RFTN1: variants seen among roughly 807,000 people sequenced by gnomAD.
RFTN1 encodes raftlin, lipid raft linker 1, also known as raftlin.
A neutral mutation model predicts 46.5 loss-of-function variants in RFTN1; 26 were observed. The observed-to-expected ratio is 0.56, with a 90% confidence interval of 0.41 to 0.78. The LOEUF is 0.78. RFTN1 is among the 30% of genes least tolerant of loss of function. The probability of loss-of-function intolerance (pLI) is 0.00; values close to 1 mark genes in which losing one functional copy is unlikely to be tolerated. For missense variants in RFTN1, 693 were observed against 718.7 expected (o/e 0.96, Z 0.41); for synonymous variants, 261 against 284.2 (o/e 0.92, Z 0.82).
intron 2 of RFTN1, among the ~76,000 whole-genome samples, chr3:16,471,643 T>A (rs755008007): frequency 1.3e-5 from 2 of 151,922 alleles, no homozygotes; most frequent in Non-Finnish European, 2.9e-5. Flanking sequence ...AAACTCTTCT[T>A]CACACAAGTT....
chr3:16,509,713 C>G lies in RFTN1; in HGVS notation c.-9+3729G>C, dbSNP rs2076866479. ...CCTCGAGTAAAATACATCCTGGGGC[C>G]CTGACATCTTGACACCCACTGTCAA... On this transcript the variant is annotated intron_variant, in intron 1 of 9. Coordinates refer to ENST00000334133, the MANE Select transcript of RFTN1 (RefSeq NM_015150.2). This position sits in a 1 kb window ranked among gnomAD's most constrained non-coding sequence, Gnocchi z 4.9. Among the ~76,000 whole-genome samples, 1 of 152,148 alleles carries G rather than the reference C, an allele frequency of 6.6e-6. No individual in the cohort carries two copies. Among genetic ancestry groups the G allele is most frequent in the South Asian group, 2.1e-4 (1 of 4,822 alleles).
At chr3:16,393,396 A>C (rs11714754) in intron 4 of RFTN1, among the ~76,000 whole-genome samples, 6,035 of 152,314 alleles carry the variant, frequency 0.04, 163 homozygotes, top group Middle Eastern at 0.061. Context: ...AATGCACATA[A>C]GACAGAAAGT....
At chr3:16,333,783 A>C (rs1351204613) in intron 7 of RFTN1, among the ~76,000 whole-genome samples, 1 of 152,210 alleles carries the variant, frequency 6.6e-6, no homozygotes, top group Non-Finnish European at 1.5e-5. Flanking sequence ...AAATTTTAAA[A>C]GGGCCAAAGA....
chr3:16,481,290 C>T lies in RFTN1; in HGVS notation c.145+12435G>A, dbSNP rs2076362813. Among the ~76,000 whole-genome samples, 1 of 152,174 alleles carries T rather than the reference C, an allele frequency of 6.6e-6. No individual in the cohort carries two copies. The highest frequency in any genetic ancestry group is 2.4e-5 in the African/African-American group (1 of 41,438). ...AATATAACAGCTTTGCTCAGAAAAA[C>T]TTAAAGCTACGTCACACATATTATC... On this transcript the variant is annotated intron_variant, in intron 2 of 9. Transcript: ENST00000334133. This position sits in a 1 kb window ranked among gnomAD's most constrained non-coding sequence, Gnocchi z 5.1.
At chr3:16,396,753 C>A (rs1484391966) in intron 4 of RFTN1, among the ~76,000 whole-genome samples, 1 of 152,060 alleles carries the variant, frequency 6.6e-6, no homozygotes, top group Non-Finnish European at 1.5e-5. Context: ...TTGTAAACAG[C>A]CAGGATTAGT....
At chr3:16,373,989 C>T (rs974510923) in intron 5 of RFTN1, among the ~76,000 whole-genome samples, 2 of 152,178 alleles carry the variant, frequency 1.3e-5, no homozygotes, top group African/African-American at 4.8e-5. Flanking sequence ...AATAGTGAGG[C>T]CCGCTTGCCA....
Position 16,374,628 on chromosome 3 carries a change from G to A in RFTN1, c.826+3090C>T, listed in dbSNP as rs2073672904. On this transcript the variant is annotated intron_variant, in intron 5 of 9. Coordinates refer to ENST00000334133, the MANE Select transcript of RFTN1 (RefSeq NM_015150.2). This position sits in a 1 kb window ranked among gnomAD's most constrained non-coding sequence, Gnocchi z 5.4. ...AAGTGAGGAGGTGCAGGGTAGGAAG[G>A]GCAGTGCTTGGAAGACTTGTTATTT... 6.6e-6 allele frequency among the ~76,000 whole-genome samples: 1 copy of A among 152,200 alleles called. No homozygotes were observed. The highest frequency in any genetic ancestry group is 2.1e-4 in the South Asian group (1 of 4,828).
intron 2 of RFTN1, among the ~76,000 whole-genome samples, chr3:16,436,347 T>C (rs1043751819): frequency 7.0e-6 from 1 of 143,130 alleles, no homozygotes; most frequent in Non-Finnish European, 1.5e-5. Flanking sequence ...GGTTTTGCCA[T>C]GAAAAAAAAA....
intron 4 of RFTN1, among the ~76,000 whole-genome samples, chr3:16,388,554 C>T (rs1367202309): frequency 6.6e-6 from 1 of 152,178 alleles, no homozygotes; most frequent in Non-Finnish European, 1.5e-5. Context: ...AAAACTGAGG[C>T]CTAGAGACAT....
chr3:16,418,782 C>T lies in RFTN1; in HGVS notation c.333-9299G>A, dbSNP rs1046401413. On this transcript the variant is annotated intron_variant, in intron 3 of 9. Transcript: ENST00000334133. This position sits in a 1 kb window ranked among gnomAD's most constrained non-coding sequence, Gnocchi z 5.0. ...AGCTATTCCTAGTTTCATTAACTTA[C>T]GTATAACTAATGACAATAAAAATCT... is the stretch of plus-strand genomic sequence containing the variant. Among the ~76,000 whole-genome samples, 13 of 152,076 alleles carry T rather than the reference C, an allele frequency of 8.5e-5. No homozygotes were observed. Among genetic ancestry groups the T allele is most frequent in the African/African-American group, 2.4e-4 (10 of 41,492 alleles).
intron 2 of RFTN1, among the ~76,000 whole-genome samples, chr3:16,486,778 G>T (rs559978019): frequency 6.6e-6 from 1 of 152,238 alleles, no homozygotes; most frequent in African/African-American, 2.4e-5. Context: ...ATAGTCTGGT[G>T]CTATGGACTG....
rs1275073369 is a variant in RFTN1, at chr3:16,421,408, G to A, written c.333-11925C>T. On this transcript the variant is annotated intron_variant, in intron 3 of 9. Coordinates refer to ENST00000334133, the MANE Select transcript of RFTN1 (RefSeq NM_015150.2). The surrounding 1 kb of genome is among the most constrained non-coding windows in gnomAD (Gnocchi z 4.6). ...ACTCTGTCGCCCAGGCTGGGGTGCAGTGGCATAATCTCAGCTCACTGCAAT... is the reference window on the plus strand; with the variant it reads ...ACTCTGTCGCCCAGGCTGGGGTGCAATGGCATAATCTCAGCTCACTGCAAT... Among the ~76,000 whole-genome samples the A allele has an allele frequency of 6.6e-6, 1 of 151,648 alleles. No homozygotes were observed. The highest frequency in any genetic ancestry group is 1.5e-5 in the Non-Finnish European group (1 of 67,966).
In RFTN1 at chr3:16,316,882, G is replaced by A. The variant is rs1310872451; in HGVS notation, c.1683C>T (p.Ala561=). 1 of 1,614,142 alleles carries A rather than the reference G, an allele frequency of 6.2e-7. No individual in the cohort carries two copies. Among genetic ancestry groups the A allele is most frequent in the Non-Finnish European group, 8.5e-7 (1 of 1,180,028 alleles). The change falls in exon 10 of 10, where the codon GCC becomes GCT. Residue 561 remains alanine (A), a synonymous_variant. Coordinates refer to ENST00000334133, the MANE Select transcript of RFTN1 (RefSeq NM_015150.2). This position sits in a 1 kb window ranked among gnomAD's most constrained non-coding sequence, Gnocchi z 4.5. ...CTGHSNPGED[A]RDGDAEEVRE... ...TGACTTCCTCAGCATCCCCGTCCCT[G>A]GCATCCTCTCCAGGATTGGAGTGCC...
In RFTN1 at chr3:16,384,139, C is replaced by T. The variant is rs1310645981; in HGVS notation, c.442-6037G>A. On this transcript the variant is annotated intron_variant, in intron 4 of 9. Coordinates refer to ENST00000334133, the MANE Select transcript of RFTN1 (RefSeq NM_015150.2). This position sits in a 1 kb window ranked among gnomAD's most constrained non-coding sequence, Gnocchi z 4.7. ...AAAGAATTCTGCCTCTGGACTGCAA[C>T]ACAGAAATTCTCCCTGGGTTTTCTC... Among the ~76,000 whole-genome samples the T allele has an allele frequency of 6.6e-6, 1 of 152,200 alleles. No homozygotes were observed. The highest frequency in any genetic ancestry group is 1.5e-5 in the Non-Finnish European group (1 of 68,040).
chr3:16,461,775 A>G (rs2076011465), intron 2 of RFTN1, among the ~76,000 whole-genome samples: 1 of 152,236 alleles, frequency 6.6e-6, no homozygotes. Flanking sequence ...TGTGTCCACA[A>G]GTAATTTTTC....
rs1453276411 is a variant in RFTN1, at chr3:16,465,450, ACACACC to A, written c.145+28269_145+28274del. Among the ~76,000 whole-genome samples the A allele has an allele frequency of 2.6e-5, 4 of 151,334 alleles. No individual in the cohort carries two copies. The highest frequency in any genetic ancestry group is 7.3e-5 in the African/African-American group (3 of 41,216). On this transcript the variant is annotated intron_variant, in intron 2 of 9. Coordinates refer to ENST00000334133, the MANE Select transcript of RFTN1 (RefSeq NM_015150.2). The surrounding 1 kb of genome is among the most constrained non-coding windows in gnomAD (Gnocchi z 5.1). ...CACACACACACACACACACACACAC[ACACACC>A]CCATGCCTGATTAAACAAAATAATT...
intron 2 of RFTN1, chr3:16,482,743 T>C (rs763979187): frequency 1.6e-5 from 25 of 1,531,408 alleles, no homozygotes; most frequent in Non-Finnish European, 2.2e-5. Flanking sequence ...ATTATATCAA[T>C]ACCAGCAGCA....
chr3:16,465,741 C>T lies in RFTN1; in HGVS notation c.145+27984G>A, dbSNP rs1365139118. Reference sequence around the variant, plus strand: ...AGCTAATCTTTTTCTTTTCACTATACCTTGTGCAGAAGGCTGAGCAGGGGA... The same window carrying T: ...AGCTAATCTTTTTCTTTTCACTATATCTTGTGCAGAAGGCTGAGCAGGGGA... On this transcript the variant is annotated intron_variant, in intron 2 of 9. Coordinates refer to ENST00000334133, the MANE Select transcript of RFTN1 (RefSeq NM_015150.2). This position sits in a 1 kb window ranked among gnomAD's most constrained non-coding sequence, Gnocchi z 5.1. Among the ~76,000 whole-genome samples the T allele has an allele frequency of 6.6e-6, 1 of 152,130 alleles. No homozygotes were observed. Among genetic ancestry groups the T allele is most frequent in the Non-Finnish European group, 1.5e-5 (1 of 68,022 alleles).
In RFTN1 at chr3:16,345,817, T is replaced by TGTGTGTGTGCGCGCGCGC. The variant is rs1160939614; in HGVS notation, c.1146+12114_1146+12115insGCGCGCGCGCACACACAC. 1.3e-5 allele frequency among the ~76,000 whole-genome samples: 1 copy of TGTGTGTGTGCGCGCGCGC among 74,540 alleles called. No individual in the cohort carries two copies. Among genetic ancestry groups the TGTGTGTGTGCGCGCGCGC allele is most frequent in the African/African-American group, 5.5e-5 (1 of 18,090 alleles). The allele number at this position is 74,540 out of a possible 152,430, so 48.9% of individuals were successfully genotyped here. On this transcript the variant is annotated intron_variant, in intron 7 of 9. Transcript: ENST00000334133. The surrounding 1 kb of genome is among the most constrained non-coding windows in gnomAD (Gnocchi z 5.2). Reference sequence around the variant, plus strand: ...GTGTGTGTGTGTGTGTGTGTGTGTGTGCGCGCGCGCGTGCGCGCACGCGCA... The same window carrying TGTGTGTGTGCGCGCGCGC: ...GTGTGTGTGTGTGTGTGTGTGTGTGTGTGTGTGTGCGCGCGCGCGCGCGCGCGCGTGCGCGCACGCGCA...
Sources: gnomAD v4.1 joint callset for allele counts (sites outside exome capture counted in the v4.1 genomes callset) on GRCh38, gnomAD v4.1.1 for gene constraint, Gnocchi (gnomAD v3.1) non-coding constraint, MANE v1.5 for transcripts, NCBI Gene and HGNC (gene_info 2026-07-23, HGNC 2026-07-21) for gene names.